NHSL2: variants seen among roughly 807,000 people sequenced by gnomAD.
The protein encoded by NHSL2 is NHS-like protein 2.
A neutral mutation model predicts 53.4 loss-of-function variants in NHSL2; 27 were observed. The observed-to-expected ratio is 0.51, with a 90% confidence interval of 0.37 to 0.70. The LOEUF is 0.70. Ranked by LOEUF, NHSL2 falls within the 30% of genes least tolerant of loss-of-function variation. The pLI, the probability that NHSL2 is intolerant of heterozygous loss-of-function variation, is 0.00. For synonymous variants in NHSL2, 408 were observed against 404.1 expected, an observed-to-expected ratio of 1.01 and a Z score of -0.12; for missense variants, 892 against 980.1, an observed-to-expected ratio of 0.91 and a Z score of 1.20.
intron 1 of NHSL2, among the ~76,000 whole-genome samples, chrX:72,051,256 A>G (rs980255421): frequency 2.7e-5 from 3 of 112,042 alleles, no homozygotes; most frequent in African/African-American, 9.8e-5. Context: ...AGACACTTAG[A>G]TTATTTCTAT....
intron 1 of NHSL2, among the ~76,000 whole-genome samples, chrX:71,980,617 A>T (rs992813927): frequency 9.4e-6 from 1 of 106,638 alleles, no homozygotes; most frequent in Non-Finnish European, 1.9e-5. Flanking sequence ...TAGTGTGTGT[A>T]CATATGTGCA....
intron 1 of NHSL2, among the ~76,000 whole-genome samples, chrX:72,124,659 T>G (rs1371288733): frequency 9.0e-6 from 1 of 111,407 alleles, no homozygotes; most frequent in South Asian, 3.8e-4. Context: ...GTTAAGAGCA[T>G]GGGCTCTGGA....
intron 1 of NHSL2, among the ~76,000 whole-genome samples, chrX:71,973,966 A>T (rs2041937360): frequency 8.9e-6 from 1 of 111,773 alleles, no homozygotes; most frequent in Non-Finnish European, 1.9e-5. Context: ...TGTAACATGG[A>T]GCTGGTGAGG....
chrX:72,021,331 C>T (rs1280644937), intron 1 of NHSL2, among the ~76,000 whole-genome samples: 1 of 112,211 alleles, frequency 8.9e-6, no homozygotes, highest in Non-Finnish European at 1.9e-5. Flanking sequence ...CCCCTGCCTT[C>T]CTGTCTGTGG....
At chrX:72,097,394 C>CTACTGAT (rs920607521) in intron 1 of NHSL2, among the ~76,000 whole-genome samples, 3 of 112,139 alleles carry the variant, frequency 2.7e-5, no homozygotes, top group African/African-American at 9.7e-5. Flanking sequence ...AGTGTTCCTG[C>CTACTGAT]TACTGATTGC....
At chrX:72,056,163 G>A (rs1037546823) in intron 1 of NHSL2, among the ~76,000 whole-genome samples, 8 of 111,448 alleles carry the variant, frequency 7.2e-5, no homozygotes, top group African/African-American at 2.6e-4. Context: ...CAGGACAGTT[G>A]GGCAATATGT....
chrX:72,017,719 A>G (rs1192930594), intron 1 of NHSL2, among the ~76,000 whole-genome samples: 2 of 112,488 alleles, frequency 1.8e-5, no homozygotes, highest in African/African-American at 6.5e-5. Flanking sequence ...AGCCACCAGC[A>G]CTACTCTATG....
At chrX:71,914,364 T>G (rs907464366) in intron 1 of NHSL2, among the ~76,000 whole-genome samples, 1 of 112,449 alleles carries the variant, frequency 8.9e-6, no homozygotes, top group African/African-American at 3.2e-5. Context: ...ATATAATGTT[T>G]GTAGGTGCTT....
At chrX:72,074,658 G>A (rs913490456) in intron 1 of NHSL2, among the ~76,000 whole-genome samples, 3 of 112,613 alleles carry the variant, frequency 2.7e-5, no homozygotes, top group African/African-American at 9.7e-5. Flanking sequence ...AAGGGGAATG[G>A]CAAAATAAAG....
At chrX:72,091,866 C>T (rs1003810310) in intron 1 of NHSL2, among the ~76,000 whole-genome samples, 2 of 111,744 alleles carry the variant, frequency 1.8e-5, no homozygotes, top group Middle Eastern at 4.6e-3. Flanking sequence ...CAGCTTCATG[C>T]AGAACCATTT....
At chrX:72,073,348 T>G (rs2041715971) in intron 1 of NHSL2, among the ~76,000 whole-genome samples, 1 of 111,422 alleles carries the variant, frequency 9.0e-6, no homozygotes, top group African/African-American at 3.3e-5. Flanking sequence ...TGGAAAGCCT[T>G]GTCTGCCAAG....
intron 1 of NHSL2, among the ~76,000 whole-genome samples, chrX:72,037,147 C>G (rs943450379): frequency 1.3e-4 from 15 of 112,032 alleles, no homozygotes; most frequent in African/African-American, 4.9e-4. Context: ...CGGCTGGGCA[C>G]AGTGGCTCAC....
intron 1 of NHSL2, among the ~76,000 whole-genome samples, chrX:71,933,384 CTT>C (rs199702755): frequency 9.0e-5 from 9 of 100,502 alleles, no homozygotes; most frequent in Admixed American, 4.3e-4. Flanking sequence ...GTGCACTTAA[CTT>C]TTTTTTTTTT....
intron 1 of NHSL2, among the ~76,000 whole-genome samples, chrX:71,930,995 C>T (rs965892521): frequency 1.8e-5 from 2 of 112,241 alleles, no homozygotes; most frequent in African/African-American, 6.5e-5. Context: ...ACAGAGGCTG[C>T]ACCATTTGAT....
chrX:72,059,858 T>C (rs761941688), intron 1 of NHSL2, among the ~76,000 whole-genome samples: 5 of 112,225 alleles, frequency 4.5e-5, no homozygotes, highest in Non-Finnish European at 7.5e-5. Context: ...ATGCATTCTC[T>C]TTCAGTCTCA....
intron 1 of NHSL2, among the ~76,000 whole-genome samples, chrX:72,083,879 C>T (rs182364271): frequency 1.8e-5 from 2 of 111,917 alleles, no homozygotes; most frequent in Non-Finnish European, 3.8e-5. Context: ...AGGCCCTGCA[C>T]GATCTGTCTC....
chrX:72,098,245 A>G (rs1380933457), intron 1 of NHSL2, among the ~76,000 whole-genome samples: 1 of 111,876 alleles, frequency 8.9e-6, no homozygotes, highest in Admixed American at 9.5e-5. Flanking sequence ...GAGAGAGGAA[A>G]GAGAAGGTTT....
intron 1 of NHSL2, among the ~76,000 whole-genome samples, chrX:72,022,781 G>T (rs1602313977): frequency 9.0e-6 from 1 of 111,639 alleles, no homozygotes; most frequent in African/African-American, 3.3e-5. Context: ...CCCTGTTAGA[G>T]TCTGAGGCTT....
chrX:71,980,655 C>T lies in NHSL2; in HGVS notation c.280+69288C>T, dbSNP rs10218360. 2.8e-3 allele frequency among the ~76,000 whole-genome samples: 309 copies of T among 109,055 alleles called. 1 individual carries two copies. The highest frequency in any genetic ancestry group is 9.9e-3 in the African/African-American group (295 of 29,696). The allele number at this position is 109,055 out of a possible 115,157, so 94.7% of individuals were successfully genotyped here. A position where few individuals can be genotyped will look rare whatever the true frequency, so the allele number is the denominator to read the frequency against. ...AGGATAAGTTGAAAGAGTCAATGAA[C>T]AGAATGAAGCCTACTTGCAATCCAG... is the stretch of plus-strand genomic sequence containing the variant. On this transcript the variant is annotated intron_variant, in intron 1 of 7. Coordinates refer to ENST00000633930, the MANE Select transcript of NHSL2 (RefSeq NM_001013627.3).
Sources: gnomAD v4.1 joint callset for allele counts (sites outside exome capture counted in the v4.1 genomes callset) on GRCh38, gnomAD v4.1.1 for gene constraint, MANE v1.5 for transcripts, NCBI Gene and HGNC (gene_info 2026-07-23, HGNC 2026-07-21) for gene names.